Variants in MAP7D2 observed in about 807,000 individuals in gnomAD.
The protein encoded by MAP7D2 is MAP7 domain-containing protein 2.
A neutral mutation model predicts 63.5 loss-of-function variants in MAP7D2; 33 were observed. The ratio of observed to expected loss-of-function variants is 0.52; its 90% CI spans 0.39 to 0.70. The LOEUF (loss-of-function observed/expected upper bound fraction) is 0.70, where lower values mean the gene tolerates loss of function less well. MAP7D2 is among the 30% of genes least tolerant of loss of function. The pLI is 0.00. For missense variants in MAP7D2, 626 were observed against 604.0 expected, an observed-to-expected ratio of 1.04 and a Z score of -0.38; for synonymous variants, 224 against 223.7, an observed-to-expected ratio of 1.00 and a Z score of -0.01.
intron 1 of MAP7D2, among the ~76,000 whole-genome samples, chrX:20,096,138 G>T (rs1260469196): frequency 1.5e-5 from 1 of 67,676 alleles, no homozygotes; most frequent in African/African-American, 5.5e-5. Flanking sequence ...GAAAAGAAAA[G>T]AAATTCTGGC....
intron 1 of MAP7D2, among the ~76,000 whole-genome samples, chrX:20,073,098 C>T (rs1424068824): frequency 9.0e-6 from 1 of 111,529 alleles, no homozygotes; most frequent in African/African-American, 3.3e-5. Context: ...GAGTGTTCCA[C>T]AACAAGGCTT....
chrX:20,071,815 G>A (rs1450149339), intron 1 of MAP7D2, among the ~76,000 whole-genome samples: 1 of 111,542 alleles, frequency 9.0e-6, no homozygotes, highest in Non-Finnish European at 1.9e-5. Flanking sequence ...TTTGTTTTCC[G>A]TGGAGGTGGA....
At chrX:20,092,524 C>T (rs2066097573) in intron 1 of MAP7D2, among the ~76,000 whole-genome samples, 1 of 112,255 alleles carries the variant, frequency 8.9e-6, no homozygotes, top group African/African-American at 3.2e-5. Flanking sequence ...ATCTTGTCCA[C>T]TTATTCTCCC....
intron 15 of MAP7D2, among the ~76,000 whole-genome samples, chrX:20,011,621 G>A (rs759910776): frequency 8.0e-5 from 9 of 112,182 alleles, no homozygotes; most frequent in Admixed American, 1.9e-4. Context: ...ATGTGGAAAC[G>A]CCTGAAGTGC....
intron 10 of MAP7D2, among the ~76,000 whole-genome samples, chrX:20,016,783 A>G (rs1379403121): frequency 8.9e-6 from 1 of 112,472 alleles, no homozygotes; most frequent in African/African-American, 3.2e-5. Flanking sequence ...TACGAACTCA[A>G]AAAGTCATAC....
chrX:20,015,256 C>T lies in MAP7D2; in HGVS notation c.1716G>A (p.Leu572=), dbSNP rs1306921013. 4 of 1,209,025 alleles carry T rather than the reference C, an allele frequency of 3.3e-6. No individual in the cohort carries two copies. Among genetic ancestry groups the T allele is most frequent in the Non-Finnish European group, 3.4e-6 (3 of 894,610 alleles). ...QMRLEREQIM[L]QIEQERLERK... ...TCTCCAGTCTCTCCTGCTCAATCTG[C>T]AGCATAATCTGTTCTCTCTCGAGAC... The change falls in exon 12 of 17, where the codon CTG becomes CTA. Residue 572 remains leucine (L), a synonymous_variant. Transcript: ENST00000379643.
chrX:20,056,874 G>A, intron 3 of MAP7D2, 83 bp from the exon 4 acceptor site: 2 of 880,513 alleles, frequency 2.3e-6, no homozygotes, highest in Non-Finnish European at 3.2e-6. Context: ...TGCACAGTGT[G>A]AGTCACCAAA....
intron 8 of MAP7D2, among the ~76,000 whole-genome samples, chrX:20,034,500 G>A (rs373510862): frequency 9.0e-6 from 1 of 111,272 alleles, no homozygotes; most frequent in Non-Finnish European, 1.9e-5. Context: ...AAACATGTGA[G>A]TTGAAACCCT....
At chrX:20,066,613 T>G (rs1186741633) in intron 1 of MAP7D2, among the ~76,000 whole-genome samples, 1 of 111,765 alleles carries the variant, frequency 8.9e-6, no homozygotes, top group African/African-American at 3.3e-5. Context: ...CTCAGCTCAT[T>G]CCAGCCACCC....
chrX:20,092,777 C>T (rs920662436), intron 1 of MAP7D2, among the ~76,000 whole-genome samples: 2 of 112,477 alleles, frequency 1.8e-5, no homozygotes, highest in Admixed American at 9.4e-5. Context: ...GTACCAGGTA[C>T]GAGTAACAGT....
At chrX:20,104,273 G>A (rs972440357) in intron 1 of MAP7D2, among the ~76,000 whole-genome samples, 1 of 112,262 alleles carries the variant, frequency 8.9e-6, no homozygotes, top group Admixed American at 9.4e-5. Flanking sequence ...GTAAGAAAAT[G>A]GCAATTAAAA....
chrX:20,110,989 GA>G (rs2066726255), intron 1 of MAP7D2, among the ~76,000 whole-genome samples: 1 of 111,607 alleles, frequency 9.0e-6, no homozygotes, highest in Non-Finnish European at 1.9e-5. Context: ...GACATTCTGG[GA>G]CTTCTATGTG....
intron 10 of MAP7D2, among the ~76,000 whole-genome samples, chrX:20,017,442 G>GACTT (rs1260408005): frequency 8.9e-6 from 1 of 112,252 alleles, no homozygotes; most frequent in African/African-American, 3.2e-5. Context: ...AAAAGGTCAA[G>GACTT]ACTTAAAAAG....
intron 5 of MAP7D2, chrX:20,052,423 G>T: frequency 3.4e-6 from 1 of 293,015 alleles, no homozygotes; most frequent in Non-Finnish European, 6.5e-6. Flanking sequence ...AAAATGGGCA[G>T]GCCTATAAAC....
At chrX:20,044,656 C>T in intron 6 of MAP7D2, 132 bp from the exon 7 acceptor site, 1 of 560,637 alleles carries the variant, frequency 1.8e-6, no homozygotes, top group Non-Finnish European at 2.8e-6. Flanking sequence ...CTATTGTACA[C>T]AGGATGGATC....
chrX:20,097,232 T>C (rs976828490), intron 1 of MAP7D2, among the ~76,000 whole-genome samples: 1 of 112,414 alleles, frequency 8.9e-6, no homozygotes, highest in Non-Finnish European at 1.9e-5. Context: ...TTAGTTACCA[T>C]ATTATCCAGT....
intron 6 of MAP7D2, among the ~76,000 whole-genome samples, chrX:20,048,854 C>T (rs1423576465): frequency 9.1e-6 from 1 of 109,690 alleles, no homozygotes; most frequent in African/African-American, 3.3e-5. Context: ...GCTTGGAGTT[C>T]GAGGCTGCAG....
intron 1 of MAP7D2, among the ~76,000 whole-genome samples, chrX:20,080,951 T>C (rs2065762668): frequency 8.9e-6 from 1 of 111,771 alleles, no homozygotes; most frequent in Non-Finnish European, 1.9e-5. Flanking sequence ...GGAGAAGCGG[T>C]TGCTCAATGA....
intron 1 of MAP7D2, among the ~76,000 whole-genome samples, chrX:20,077,635 C>T (rs1031914179): frequency 8.9e-6 from 1 of 111,928 alleles, no homozygotes; most frequent in Non-Finnish European, 1.9e-5. Context: ...AGCTATTCTG[C>T]GTTGGCTATT....
Sources: allele counts gnomAD v4.1 joint callset (sites outside exome capture counted in the v4.1 genomes callset), GRCh38; gene constraint gnomAD v4.1.1; transcripts MANE v1.5; gene names NCBI Gene and HGNC (gene_info 2026-07-23, HGNC 2026-07-21).